GNAQ: variants seen among roughly 807,000 people sequenced by gnomAD.
The protein encoded by GNAQ is guanine nucleotide-binding protein G(q) subunit alpha.
A neutral mutation model predicts 43.9 loss-of-function variants in GNAQ; 8 were observed. The ratio of observed to expected loss-of-function variants is 0.18; its 90% CI spans 0.11 to 0.33. GNAQ has a LOEUF of 0.33. Ranked by LOEUF, GNAQ falls within the 10% of genes least tolerant of loss-of-function variation. The pLI, the probability that GNAQ is intolerant of heterozygous loss-of-function variation, is 1.00. For synonymous variants in GNAQ, 155 were observed against 170.7 expected (o/e 0.91, Z 0.71); for missense variants, 158 against 450.8 (o/e 0.35, Z 5.88).
In GNAQ at chr9:77,798,798, T is replaced by A. The variant is rs148427207; in HGVS notation, c.477-1150A>T. On this transcript the variant is annotated intron_variant, in intron 3 of 6. Coordinates refer to ENST00000286548, the MANE Select transcript of GNAQ (RefSeq NM_002072.5). ...GTACATGTTCAGTAAAGATACAATT[T>A]TTCTCTGAATATTTTTGATCCATAA... is the stretch of plus-strand genomic sequence containing the variant. Among the ~76,000 whole-genome samples, 279 of 152,316 alleles carry A rather than the reference T, an allele frequency of 1.8e-3. 1 individual carries two copies. The highest frequency in any genetic ancestry group is 2.0e-3 in the Non-Finnish European group (138 of 68,026).
intron 5 of GNAQ, among the ~76,000 whole-genome samples, chr9:77,756,707 G>C (rs1432481944): frequency 6.6e-6 from 1 of 152,168 alleles, no homozygotes; most frequent in Non-Finnish European, 1.5e-5. Context: ...AGGACTCTTT[G>C]TTATAGCAGC....
intron 3 of GNAQ, among the ~76,000 whole-genome samples, chr9:77,804,644 T>C (rs1422726081): frequency 6.6e-6 from 1 of 152,032 alleles, no homozygotes; most frequent in Non-Finnish European, 1.5e-5. Flanking sequence ...CCAGACACAA[T>C]AGGATAAATG....
chr9:77,808,635 T>C (rs1453863958), intron 3 of GNAQ, among the ~76,000 whole-genome samples: 1 of 152,082 alleles, frequency 6.6e-6, no homozygotes, highest in African/African-American at 2.4e-5. Context: ...CATAGGATAA[T>C]GACTTCTCAG....
At chr9:77,870,491 T>A (rs545213897) in intron 2 of GNAQ, among the ~76,000 whole-genome samples, 22 of 151,944 alleles carry the variant, frequency 1.4e-4, no homozygotes, top group South Asian at 1.0e-3. Flanking sequence ...GCGCCCTGGC[T>A]AATTTTTTGT....
intron 2 of GNAQ, among the ~76,000 whole-genome samples, chr9:77,845,607 A>G (rs1827572329): frequency 6.6e-6 from 1 of 152,244 alleles, no homozygotes; most frequent in East Asian, 1.9e-4. Flanking sequence ...CAAGTTCACT[A>G]TAAGGCTTGT....
At chr9:77,834,879 A>G (rs1021914566) in intron 2 of GNAQ, among the ~76,000 whole-genome samples, 6 of 152,174 alleles carry the variant, frequency 3.9e-5, no homozygotes, top group African/African-American at 1.2e-4. Flanking sequence ...CAGGTCTCTG[A>G]ATTCAATGAG....
intron 2 of GNAQ, among the ~76,000 whole-genome samples, chr9:77,868,495 C>A (rs997284233): frequency 4.6e-5 from 7 of 152,164 alleles, no homozygotes; most frequent in Non-Finnish European, 7.4e-5. Flanking sequence ...AAATTTAATT[C>A]TTTGAGAAAT....
chr9:77,897,546 C>G (rs1023648857), intron 2 of GNAQ, among the ~76,000 whole-genome samples: 8 of 152,302 alleles, frequency 5.3e-5, no homozygotes, highest in African/African-American at 1.7e-4. Flanking sequence ...CCCTGGCCTG[C>G]CCTCAGCCGG....
chr9:78,007,577 C>A (rs1032507300), intron 1 of GNAQ, among the ~76,000 whole-genome samples: 1 of 152,146 alleles, frequency 6.6e-6, no homozygotes, highest in African/African-American at 2.4e-5. Context: ...TCAATTTCAA[C>A]AGATATGAAT....
At chr9:77,865,569 T>C (rs1034955085) in intron 2 of GNAQ, among the ~76,000 whole-genome samples, 1 of 152,180 alleles carries the variant, frequency 6.6e-6, no homozygotes, top group South Asian at 2.1e-4. Flanking sequence ...ACAAATTTAA[T>C]TGCTGGAGAG....
chr9:77,853,268 C>A (rs567047996), intron 2 of GNAQ, among the ~76,000 whole-genome samples: 4 of 152,110 alleles, frequency 2.6e-5, no homozygotes, highest in African/African-American at 9.6e-5. Flanking sequence ...GCTCTTTGGG[C>A]ATATTTTTAA....
intron 5 of GNAQ, among the ~76,000 whole-genome samples, chr9:77,791,558 GTATT>G (rs1826574707): frequency 6.6e-6 from 1 of 152,122 alleles, no homozygotes; most frequent in Non-Finnish European, 1.5e-5. Context: ...ATTTGATAAT[GTATT>G]TCCTTCTTTG....
chr9:77,812,662 C>G (rs1428772295), intron 3 of GNAQ, among the ~76,000 whole-genome samples: 1 of 151,944 alleles, frequency 6.6e-6, no homozygotes, highest in African/African-American at 2.4e-5. Flanking sequence ...TTTGGGAAAT[C>G]TGAATATGAA....
At chr9:77,871,270 C>T (rs1828035320) in intron 2 of GNAQ, among the ~76,000 whole-genome samples, 1 of 152,144 alleles carries the variant, frequency 6.6e-6, no homozygotes, top group South Asian at 2.1e-4. Context: ...GTATAGTCCT[C>T]TGGATTCTCC....
intron 1 of GNAQ, chr9:78,030,368 C>T (rs1824035345): frequency 2.7e-6 from 1 of 374,064 alleles, no homozygotes; most frequent in South Asian, 2.1e-5. Context: ...CTGTCACCAT[C>T]CACTGGCCAA....
chr9:77,987,131 T>C (rs1441424263), intron 1 of GNAQ, among the ~76,000 whole-genome samples: 1 of 152,178 alleles, frequency 6.6e-6, no homozygotes, highest in African/African-American at 2.4e-5. Context: ...TTGCCTGTCG[T>C]CATGTTGTTG....
At chr9:77,830,125 G>A (rs1312215945) in intron 2 of GNAQ, among the ~76,000 whole-genome samples, 3 of 152,052 alleles carry the variant, frequency 2.0e-5, no homozygotes, top group Admixed American at 2.0e-4. Flanking sequence ...ACTAATTTCT[G>A]AATTTTTTTG....
intron 5 of GNAQ, among the ~76,000 whole-genome samples, chr9:77,770,841 C>A (rs1365614985): frequency 2.0e-5 from 3 of 151,786 alleles, no homozygotes; most frequent in Non-Finnish European, 2.9e-5. Flanking sequence ...GAGCACCAGG[C>A]GATTTGGAAA....
intron 3 of GNAQ, among the ~76,000 whole-genome samples, chr9:77,798,889 T>C (rs1257459220): frequency 6.6e-6 from 1 of 152,140 alleles, no homozygotes; most frequent in Non-Finnish European, 1.5e-5. Context: ...GGGGGGTATC[T>C]AGTTCTATGA....
Sources: allele counts gnomAD v4.1 joint callset (sites outside exome capture counted in the v4.1 genomes callset), GRCh38; gene constraint gnomAD v4.1.1; transcripts MANE v1.5; gene names NCBI Gene and HGNC (gene_info 2026-07-23, HGNC 2026-07-21).